SGCZ: variants seen among roughly 807,000 people sequenced by gnomAD.
SGCZ encodes the protein sarcoglycan zeta, also known as zeta-sarcoglycan.
A neutral mutation model predicts 41.3 loss-of-function variants in SGCZ; 40 were observed. That is an observed-to-expected ratio of 0.97 (90% CI 0.75 to 1.26). SGCZ has a LOEUF of 1.26. SGCZ is among the 50% of genes most tolerant of loss of function. The pLI is 0.00. For synonymous variants in SGCZ, 206 were observed against 137.5 expected (o/e 1.50, Z -3.49); for missense variants, 552 against 369.8 (o/e 1.49, Z -4.04).
intron 1 of SGCZ, among the ~76,000 whole-genome samples, chr8:14,994,516 G>A (rs1303602703): frequency 2.6e-5 from 4 of 151,886 alleles, no homozygotes; most frequent in Non-Finnish European, 4.4e-5. Context: ...CCCAGGAGGC[G>A]GCGGTTGCAG....
intron 2 of SGCZ, among the ~76,000 whole-genome samples, chr8:14,491,208 T>C (rs1190749149): frequency 1.3e-5 from 2 of 151,986 alleles, no homozygotes; most frequent in Non-Finnish European, 2.9e-5. Flanking sequence ...TCCTCACTCC[T>C]CCAAAGCCCT....
chr8:14,712,233 AG>A (rs1809542976), intron 1 of SGCZ, among the ~76,000 whole-genome samples: 1 of 152,228 alleles, frequency 6.6e-6, no homozygotes, highest in Non-Finnish European at 1.5e-5. Context: ...ACCTTATAAA[AG>A]TATTCCCCCT....
chr8:14,655,076 A>G (rs925944727), intron 1 of SGCZ, among the ~76,000 whole-genome samples: 2 of 152,080 alleles, frequency 1.3e-5, no homozygotes, highest in African/African-American at 4.8e-5. Flanking sequence ...TTCTTTCAAA[A>G]ATGTGTAAAT....
intron 3 of SGCZ, among the ~76,000 whole-genome samples, chr8:14,275,781 G>A (rs1412642991): frequency 6.6e-6 from 1 of 152,088 alleles, no homozygotes; most frequent in Admixed American, 6.6e-5. Context: ...TACTGCTGCT[G>A]GTGGCTGAAG....
chr8:14,349,221 G>A (rs912390103), intron 2 of SGCZ, among the ~76,000 whole-genome samples: 4 of 151,962 alleles, frequency 2.6e-5, no homozygotes, highest in Non-Finnish European at 4.4e-5. Context: ...TACCAAAATC[G>A]GTTGCCTGGA....
At chr8:15,062,073 G>C (rs1804959726) in intron 1 of SGCZ, among the ~76,000 whole-genome samples, 1 of 152,104 alleles carries the variant, frequency 6.6e-6, no homozygotes, top group Non-Finnish European at 1.5e-5. Context: ...AACTTTAGTT[G>C]AAAGAGTAAA....
rs192951951 is a variant in SGCZ, at chr8:15,026,227, T to C, written c.39+211358A>G. On this transcript the variant is annotated intron_variant, in intron 1 of 7. Coordinates refer to ENST00000382080, the MANE Select transcript of SGCZ (RefSeq NM_139167.4). ...GAAGAAAATTCTCAGACTGGTTAAT[T>C]TTTCTTTTCAACATTTGAAAAATGT... 2.0e-5 allele frequency among the ~76,000 whole-genome samples: 3 copies of C among 152,274 alleles called. No individual in the cohort carries two copies. In the East Asian group the frequency reaches 5.8e-4, roughly 29 times the overall value.
At chr8:14,645,276 C>T (rs1807170500) in intron 1 of SGCZ, among the ~76,000 whole-genome samples, 1 of 146,402 alleles carries the variant, frequency 6.8e-6, no homozygotes, top group Non-Finnish European at 1.5e-5. Context: ...ATATTTCTTT[C>T]TTATTGCGAA....
rs372117517 is a variant in SGCZ at position 14,387,196 on chromosome 8, C to T, written c.235-62992G>A. Reference sequence around the variant, plus strand: ...CTGAGTAGCTAGGACTACATGTGTGCACCATCACACACGACTAACCTTTAA... The same window carrying T: ...CTGAGTAGCTAGGACTACATGTGTGTACCATCACACACGACTAACCTTTAA... On this transcript the variant is annotated intron_variant, in intron 2 of 7. Transcript: ENST00000382080. Among the ~76,000 whole-genome samples the T allele has an allele frequency of 9.3e-4, 141 of 152,216 alleles. 2 individuals are homozygous for T. The highest frequency in any genetic ancestry group is 3.2e-3 in the African/African-American group (131 of 41,546).
chr8:14,963,490 C>T (rs1801033603), intron 1 of SGCZ, among the ~76,000 whole-genome samples: 1 of 152,032 alleles, frequency 6.6e-6, no homozygotes, highest in Admixed American at 6.6e-5. Flanking sequence ...AGGCGTGTGC[C>T]ACCACCCTGG....
chr8:14,595,854 G>A (rs924330520), intron 1 of SGCZ, among the ~76,000 whole-genome samples: 3 of 152,154 alleles, frequency 2.0e-5, no homozygotes, highest in Non-Finnish European at 4.4e-5. Flanking sequence ...GCTGTGTCAT[G>A]TGAACACAGA....
chr8:14,306,156 C>T (rs572252946), intron 3 of SGCZ, among the ~76,000 whole-genome samples: 298 of 152,256 alleles, frequency 2.0e-3, no homozygotes, highest in Non-Finnish European at 3.7e-3. Context: ...TCCATCATTA[C>T]ATATAACTTT....
intron 1 of SGCZ, among the ~76,000 whole-genome samples, chr8:14,829,669 T>C (rs12681897): frequency 0.66 from 99,555 of 151,876 alleles, 34,229 homozygotes; most frequent in East Asian, 0.87. Context: ...TTAGTCCGTT[T>C]CTTCTATTTT....
At chr8:15,226,963 G>A (rs2117197962) in intron 1 of SGCZ, among the ~76,000 whole-genome samples, 1 of 152,244 alleles carries the variant, frequency 6.6e-6, no homozygotes, top group South Asian at 2.1e-4. Context: ...TACTAAACAA[G>A]ACGAAGAACA....
intron 1 of SGCZ, among the ~76,000 whole-genome samples, chr8:15,126,989 C>T (rs1563139887): frequency 6.6e-6 from 1 of 152,090 alleles, no homozygotes; most frequent in South Asian, 2.1e-4. Flanking sequence ...CGTCCATGCA[C>T]GTGTCTAGAC....
chr8:14,807,681 A>T (rs1218426076), intron 1 of SGCZ, among the ~76,000 whole-genome samples: 1 of 151,896 alleles, frequency 6.6e-6, no homozygotes, highest in Non-Finnish European at 1.5e-5. Context: ...ATTCAATGCC[A>T]TCCCCATCAA....
At chr8:14,817,171 C>T (rs745597393) in intron 1 of SGCZ, among the ~76,000 whole-genome samples, 1 of 152,288 alleles carries the variant, frequency 6.6e-6, no homozygotes, top group Non-Finnish European at 1.5e-5. Flanking sequence ...AGGGAGACTG[C>T]CTCCTTCTGT....
intron 5 of SGCZ, among the ~76,000 whole-genome samples, chr8:14,152,381 G>T (rs1803737104): frequency 6.6e-6 from 1 of 152,146 alleles, no homozygotes; most frequent in African/African-American, 2.4e-5. Context: ...AAAGCACAAT[G>T]AGTTAGGCAA....
chr8:14,172,083 T>G (rs991200257), intron 4 of SGCZ, among the ~76,000 whole-genome samples: 1 of 152,184 alleles, frequency 6.6e-6, no homozygotes, highest in African/African-American at 2.4e-5. Context: ...AAAGTCTGGT[T>G]TCTGAAAAAG....
Sources: allele counts gnomAD v4.1 joint callset (sites outside exome capture counted in the v4.1 genomes callset), GRCh38; gene constraint gnomAD v4.1.1; transcripts MANE v1.5; gene names NCBI Gene and HGNC (gene_info 2026-07-23, HGNC 2026-07-21).